FRYL: variants seen among roughly 807,000 people sequenced by gnomAD.
FRYL encodes protein furry homolog-like.
In FRYL, 150 loss-of-function variants were observed where a neutral mutation model predicts 351.2. The ratio of observed to expected loss-of-function variants is 0.43; its 90% CI spans 0.37 to 0.49. The LOEUF (loss-of-function observed/expected upper bound fraction) is 0.49, where lower values mean the gene tolerates loss of function less well. Ranked by LOEUF, FRYL falls within the 20% of genes least tolerant of loss-of-function variation. The pLI, the probability that FRYL is intolerant of heterozygous loss-of-function variation, is 0.00. For synonymous variants in FRYL, 1,153 were observed against 1,257.1 expected, an observed-to-expected ratio of 0.92 and a Z score of 1.75; for missense variants, 3,036 against 3,619.3, an observed-to-expected ratio of 0.84 and a Z score of 4.13.
At chr4:48,626,396 G>T (rs1350873500) in intron 4 of FRYL, among the ~76,000 whole-genome samples, 2 of 151,888 alleles carry the variant, frequency 1.3e-5, no homozygotes, top group Non-Finnish European at 2.9e-5. Flanking sequence ...TTAGTTTTTT[G>T]TTCTGTTAAA....
rs1447510365 is a variant in FRYL at position 48,567,713 on chromosome 4, T to C, written c.2997-293A>G. ...CCTCTCTGTGAAACACACAGATTTC[T>C]AAATACAGAGACAGGAGGCATATGA... On this transcript the variant is annotated intron_variant, in intron 27 of 63. Coordinates refer to ENST00000358350, the MANE Select transcript of FRYL (RefSeq NM_015030.2). This position sits in a 1 kb window ranked among gnomAD's most constrained non-coding sequence, Gnocchi z 4.2. Among the ~76,000 whole-genome samples the C allele has an allele frequency of 1.3e-5, 2 of 152,214 alleles. No individual in the cohort carries two copies. Among genetic ancestry groups the C allele is most frequent in the East Asian group, 1.9e-4 (1 of 5,202 alleles).
chr4:48,630,172 T>A (rs1578425800), intron 4 of FRYL, among the ~76,000 whole-genome samples: 1 of 152,168 alleles, frequency 6.6e-6, no homozygotes, highest in East Asian at 1.9e-4. Context: ...CTGACACTGA[T>A]GGTCCATTGA....
intron 63 of FRYL, 93 bp downstream of exon 63, chr4:48,499,937 A>G (rs1719185801): frequency 1.7e-5 from 16 of 936,482 alleles, no homozygotes; most frequent in South Asian, 4.7e-5. Flanking sequence ...CAAAGACATG[A>G]TATGGAAACA....
intron 4 of FRYL, 109 bp from the exon 5 acceptor site, chr4:48,623,288 G>C (rs762397418): frequency 3.2e-6 from 2 of 623,222 alleles, no homozygotes; most frequent in South Asian, 4.9e-5. Context: ...GGTTTTGCTC[G>C]TTTTCACTTG....
At chr4:48,522,573 A>C (rs1295029638) in intron 54 of FRYL, among the ~76,000 whole-genome samples, 1 of 152,238 alleles carries the variant, frequency 6.6e-6, no homozygotes, top group Non-Finnish European at 1.5e-5. Context: ...AGGAAAGAAA[A>C]GTGAGTGGTG....
chr4:48,680,476 CAA>C (rs1764444320), intron 3 of FRYL, among the ~76,000 whole-genome samples: 1 of 151,776 alleles, frequency 6.6e-6, no homozygotes, highest in Non-Finnish European at 1.5e-5. Context: ...TACTATGATA[CAA>C]AATAATCCTT....
At chr4:48,555,708 C>T (rs926197434) in intron 35 of FRYL, among the ~76,000 whole-genome samples, 1 of 152,162 alleles carries the variant, frequency 6.6e-6, no homozygotes. Context: ...AGAGAGGTAA[C>T]GTGCGGTAAC....
chr4:48,691,638 T>C (rs1765690796), intron 2 of FRYL, among the ~76,000 whole-genome samples: 2 of 152,160 alleles, frequency 1.3e-5, no homozygotes, highest in Non-Finnish European at 2.9e-5. Context: ...TACTCAATAA[T>C]GGTAATATTT....
rs576768552 is a variant in FRYL, at chr4:48,527,724, A to ACCC, written c.7141-74_7141-72dup. ...GTCACTCTGCGTATGAGGTATCAGT[A>ACCC]CCCCAAAGCCACCGCAGGCCTCATT... On this transcript the variant is annotated intron_variant, in intron 52 of 63. Coordinates refer to ENST00000358350, the MANE Select transcript of FRYL (RefSeq NM_015030.2). The ACCC allele has an allele frequency of 5.2e-4, 737 of 1,430,446 alleles. 4 individuals carry two copies. Among genetic ancestry groups the ACCC allele is most frequent in the Non-Finnish European group, 6.0e-4 (634 of 1,052,704 alleles). The allele number at this position is 1,430,446 out of a possible 1,614,324, so 88.6% of individuals were successfully genotyped here. A position where few individuals can be genotyped will look rare whatever the true frequency, so the allele number is the denominator to read the frequency against.
intron 18 of FRYL, 38 bp downstream of exon 18, chr4:48,589,707 A>C: frequency 6.2e-7 from 1 of 1,604,058 alleles, no homozygotes; most frequent in Non-Finnish European, 8.5e-7. Context: ...TCTTAGGAAA[A>C]CTGAAATAGC....
intron 3 of FRYL, among the ~76,000 whole-genome samples, chr4:48,639,276 G>A (rs185574422): frequency 3.9e-4 from 59 of 152,148 alleles, no homozygotes; most frequent in African/African-American, 1.3e-3. Context: ...AATGTCAGAG[G>A]ACTGACAGGA....
chr4:48,729,424 A>C (rs941690236), intron 1 of FRYL, among the ~76,000 whole-genome samples: 2 of 152,332 alleles, frequency 1.3e-5, no homozygotes, highest in African/African-American at 4.8e-5. Context: ...TAACGGACAG[A>C]CTGCCTCCTC....
intron 11 of FRYL, 91 bp from the exon 12 acceptor site, chr4:48,603,479 T>C (rs1746099460): frequency 1.2e-6 from 1 of 853,122 alleles, no homozygotes; most frequent in Non-Finnish European, 1.9e-6. Context: ...AGGTTTGAAA[T>C]TGGTTAATAA....
intron 53 of FRYL, among the ~76,000 whole-genome samples, chr4:48,523,941 CTG>C (rs1560534652): frequency 1.3e-5 from 2 of 152,154 alleles, no homozygotes; most frequent in South Asian, 4.1e-4. Context: ...CAAAACATAA[CTG>C]TTGCCAATTT....
rs1755755391 is a variant in FRYL at position 48,643,601 on chromosome 4, CTAT to C, written c.-80-9114_-80-9112del. Among the ~76,000 whole-genome samples, 4 of 151,898 alleles carry C rather than the reference CTAT, an allele frequency of 2.6e-5. No homozygotes were observed. In the South Asian group the frequency reaches 8.3e-4, roughly 32 times the overall value. On this transcript the variant is annotated intron_variant, in intron 3 of 63. Transcript: ENST00000358350. Reference sequence around the variant, plus strand: ...AACTGAAGTGCTGATTTTTGCCTTGCTATTCAACACCATCCTGGAGATGATAAG... The same window carrying C: ...AACTGAAGTGCTGATTTTTGCCTTGCTCAACACCATCCTGGAGATGATAAG...
At chr4:48,559,250 G>A (rs986346446) in intron 33 of FRYL, among the ~76,000 whole-genome samples, 3 of 151,966 alleles carry the variant, frequency 2.0e-5, no homozygotes, top group African/African-American at 7.2e-5. Flanking sequence ...AAAAGACATG[G>A]AGCTCAGAAA....
chr4:48,519,766 G>A (rs1418884888), intron 55 of FRYL, among the ~76,000 whole-genome samples: 4 of 148,892 alleles, frequency 2.7e-5, no homozygotes, highest in African/African-American at 7.5e-5. Context: ...ACAGAGTCTC[G>A]CACTGTTGCC....
chr4:48,670,198 C>A (rs934877948), intron 3 of FRYL, among the ~76,000 whole-genome samples: 1 of 151,976 alleles, frequency 6.6e-6, no homozygotes, highest in African/African-American at 2.4e-5. Context: ...CTTTGGAAGG[C>A]TGAGGTGGGT....
chr4:48,682,728 A>C (rs1764754038), intron 3 of FRYL, among the ~76,000 whole-genome samples: 1 of 152,254 alleles, frequency 6.6e-6, no homozygotes, highest in African/African-American at 2.4e-5. Context: ...ACACCATCTC[A>C]TGCCAGTTAG....
Sources: gnomAD v4.1 joint callset for allele counts (sites outside exome capture counted in the v4.1 genomes callset) on GRCh38, gnomAD v4.1.1 for gene constraint, Gnocchi (gnomAD v3.1) non-coding constraint, MANE v1.5 for transcripts, NCBI Gene and HGNC (gene_info 2026-07-23, HGNC 2026-07-21) for gene names.